RBMS3: variants seen among roughly 807,000 people sequenced by gnomAD.
RBMS3 encodes the protein RNA binding motif single stranded interacting protein 3.
RBMS3 carries 27 observed loss-of-function variants against 66.8 expected under a neutral mutation model. The observed-to-expected ratio is 0.40, with a 90% CI of 0.30 to 0.56. RBMS3 has a LOEUF of 0.56. RBMS3 is among the 20% of genes least tolerant of loss of function. The pLI is 0.40. For synonymous variants in RBMS3, 188 were observed against 183.0 expected (o/e 1.03, Z -0.22); for missense variants, 513 against 549.5 (o/e 0.93, Z 0.66).
chr3:29,514,768 CGATAGGCATATATATATAT>C (rs941316406), intron 3 of RBMS3, among the ~76,000 whole-genome samples: 3 of 142,344 alleles, frequency 2.1e-5, no homozygotes, highest in African/African-American at 5.3e-5. Flanking sequence ...AGCATATATA[CGATAGGCATATATATATAT>C]GATAGGCATA....
chr3:29,693,517 T>C (rs931919741), intron 4 of RBMS3, among the ~76,000 whole-genome samples: 4 of 152,194 alleles, frequency 2.6e-5, no homozygotes, highest in Non-Finnish European at 4.4e-5. Flanking sequence ...AGGGTCCACA[T>C]TTATTTATTG....
chr3:29,645,901 A>T (rs1388125378), intron 4 of RBMS3, among the ~76,000 whole-genome samples: 1 of 152,142 alleles, frequency 6.6e-6, no homozygotes, highest in African/African-American at 2.4e-5. Context: ...TAGCCTTTTA[A>T]ATTTATATTG....
At position 29,563,101 on chromosome 3, in the gene RBMS3, T is replaced by C. The variant is rs112466698; in HGVS notation, c.308-24013T>C. 2.8e-3 allele frequency among the ~76,000 whole-genome samples: 427 copies of C among 152,262 alleles called. 2 individuals are homozygous for C. The highest frequency in any genetic ancestry group is 1.0e-2 in the African/African-American group (415 of 41,548). ...GTCTCCTGTGATTCTGGCCTATGAA[T>C]TGATAGATAAACCTCTAGAATAGCA... On this transcript the variant is annotated intron_variant, in intron 3 of 14. Coordinates refer to ENST00000383767, the MANE Select transcript of RBMS3 (RefSeq NM_001003793.3).
Position 29,666,194 on chromosome 3 carries a change from C to T in RBMS3, c.400-73526C>T, listed in dbSNP as rs77652223. Reference sequence around the variant, plus strand: ...CACTTGATAAGTTGACCACCCTGACCATCCTATGGAAAAATATGTCTCTGC... The same window carrying T: ...CACTTGATAAGTTGACCACCCTGACTATCCTATGGAAAAATATGTCTCTGC... On this transcript the variant is annotated intron_variant, in intron 4 of 14. Transcript: ENST00000383767. 5.4e-3 allele frequency among the ~76,000 whole-genome samples: 826 copies of T among 152,296 alleles called. 3 individuals carry two copies. Among genetic ancestry groups the T allele is most frequent in the South Asian group, 0.012 (60 of 4,818 alleles).
Position 29,384,566 on chromosome 3 carries a change from A to G in RBMS3, c.76-50177A>G, listed in dbSNP as rs181560415. ...CCACAGCTCCTCTTTTCTGGTATAA[A>G]ACTTTTTATTGAAACTACCTGTGTC... is the stretch of plus-strand genomic sequence containing the variant. On this transcript the variant is annotated intron_variant, in intron 1 of 14. Transcript: ENST00000383767. Among the ~76,000 whole-genome samples, 309 of 152,282 alleles carry G rather than the reference A, an allele frequency of 2.0e-3. 1 individual carries two copies. The highest frequency in any genetic ancestry group is 7.1e-3 in the African/African-American group (297 of 41,552).
intron 3 of RBMS3, among the ~76,000 whole-genome samples, chr3:29,509,049 T>A (rs2044293664): frequency 6.7e-6 from 1 of 150,090 alleles, no homozygotes; most frequent in African/African-American, 2.4e-5. Flanking sequence ...TGGGGTTGGT[T>A]TTTTTTTTTG....
chr3:29,445,387 T>C (rs1355565275), intron 2 of RBMS3, among the ~76,000 whole-genome samples: 1 of 150,612 alleles, frequency 6.6e-6, no homozygotes, highest in Non-Finnish European at 1.5e-5. Context: ...ATACTTTGCT[T>C]ACTCACTCAA....
At chr3:29,599,950 C>G (rs540556481) in intron 4 of RBMS3, among the ~76,000 whole-genome samples, 1 of 152,100 alleles carries the variant, frequency 6.6e-6, no homozygotes, top group African/African-American at 2.4e-5. Context: ...TGTAAGCATA[C>G]AAGTCACATA....
intron 6 of RBMS3, chr3:29,766,786 T>A (rs1438089202): frequency 6.6e-6 from 1 of 151,942 alleles, no homozygotes. Flanking sequence ...TACAGGAAGT[T>A]AACAAAGATC....
chr3:29,377,967 T>G (rs1401297372), intron 1 of RBMS3, among the ~76,000 whole-genome samples: 4 of 152,178 alleles, frequency 2.6e-5, no homozygotes, highest in African/African-American at 9.7e-5. Flanking sequence ...TGTATATTGA[T>G]CCCATTCCTG....
At chr3:29,873,069 C>T (rs1223611687) in intron 7 of RBMS3, among the ~76,000 whole-genome samples, 1 of 152,072 alleles carries the variant, frequency 6.6e-6, no homozygotes, top group Non-Finnish European at 1.5e-5. Context: ...ATTGCCTTGG[C>T]TATTCAGGCT....
chr3:29,462,977 T>C (rs190977067), intron 2 of RBMS3, among the ~76,000 whole-genome samples: 1 of 152,340 alleles, frequency 6.6e-6, no homozygotes, highest in Non-Finnish European at 1.5e-5. Context: ...AGGGAAACTA[T>C]AGATATAATG....
rs529947130 is a variant in RBMS3 at position 29,555,388 on chromosome 3, CTGTT to C, written c.308-31723_308-31720del. Among the ~76,000 whole-genome samples, 8 of 152,310 alleles carry C rather than the reference CTGTT, an allele frequency of 5.3e-5. No individual in the cohort carries two copies. In the South Asian group the frequency reaches 1.2e-3, roughly 24 times the overall value. On this transcript the variant is annotated intron_variant, in intron 3 of 14. Transcript: ENST00000383767. The stretch of plus-strand genomic sequence containing the variant: ...AACCGTTCTCTTCAATGAAGCATCT[CTGTT>C]TGCTTATATTTCCCCTCTTGTCTAC...
chr3:29,363,488 C>G (rs113870593), intron 1 of RBMS3, among the ~76,000 whole-genome samples: 2 of 152,084 alleles, frequency 1.3e-5, no homozygotes, highest in African/African-American at 2.4e-5. Context: ...TCAATTGACA[C>G]TCAAATTAAA....
chr3:29,445,598 A>G (rs1671389569), intron 2 of RBMS3, among the ~76,000 whole-genome samples: 1 of 152,096 alleles, frequency 6.6e-6, no homozygotes, highest in Non-Finnish European at 1.5e-5. Flanking sequence ...AGGGGCACAC[A>G]ATAAGAAACT....
intron 4 of RBMS3, among the ~76,000 whole-genome samples, chr3:29,697,252 T>C (rs2052322463): frequency 6.6e-6 from 1 of 152,232 alleles, no homozygotes; most frequent in Admixed American, 6.5e-5. Flanking sequence ...AATGTAGTTT[T>C]GGTAAAGAAA....
intron 7 of RBMS3, among the ~76,000 whole-genome samples, chr3:29,881,247 C>T (rs1037847291): frequency 6.6e-6 from 1 of 152,086 alleles, no homozygotes; most frequent in Non-Finnish European, 1.5e-5. Flanking sequence ...CTGTACTTCC[C>T]TACATGCCTT....
At chr3:29,327,955 G>T (rs1575552522) in intron 1 of RBMS3, among the ~76,000 whole-genome samples, 2 of 152,198 alleles carry the variant, frequency 1.3e-5, no homozygotes, top group African/African-American at 4.8e-5. Context: ...CATCTTAGTT[G>T]TTGGGTGCCT....
intron 6 of RBMS3, among the ~76,000 whole-genome samples, chr3:29,852,672 C>T (rs2058966329): frequency 6.6e-6 from 1 of 152,062 alleles, no homozygotes; most frequent in African/African-American, 2.4e-5. Flanking sequence ...CAGATGCTGG[C>T]AAGGTGGCAG....
Sources: allele counts gnomAD v4.1 joint callset (sites outside exome capture counted in the v4.1 genomes callset), GRCh38; gene constraint gnomAD v4.1.1; transcripts MANE v1.5; gene names NCBI Gene and HGNC (gene_info 2026-07-23, HGNC 2026-07-21).